Variants in BOD1L1 observed in about 807,000 individuals in gnomAD.
BOD1L1 encodes the protein biorientation of chromosomes in cell division protein 1-like 1.
A neutral mutation model predicts 240.7 loss-of-function variants in BOD1L1; 86 were observed. The ratio of observed to expected loss-of-function variants is 0.36; its 90% CI spans 0.30 to 0.43. The LOEUF is 0.43. BOD1L1 is among the 20% of genes least tolerant of loss of function. The probability of loss-of-function intolerance (pLI) is 1.00; values close to 1 mark genes in which losing one functional copy is unlikely to be tolerated. For synonymous variants in BOD1L1, 1,268 were observed against 1,272.3 expected (o/e 1.00, Z 0.07); for missense variants, 3,554 against 3,643.5 (o/e 0.98, Z 0.63).
chr4:13,582,586 C>G, intron 18 of BOD1L1, 66 bp downstream of exon 18: 1 of 1,217,208 alleles, frequency 8.2e-7, no homozygotes, highest in Non-Finnish European at 1.2e-6. Context: ...ATAGACGTTT[C>G]GGTTGAGAGA....
intron 12 of BOD1L1, 58 bp downstream of exon 12, chr4:13,595,802 A>T: frequency 6.9e-7 from 1 of 1,441,378 alleles, no homozygotes; most frequent in South Asian, 1.2e-5. Flanking sequence ...TTAGAAAGGT[A>T]AAACCACATG....
chr4:13,603,619 A>C lies in BOD1L1; in HGVS notation c.3281T>G (p.Leu1094Trp), dbSNP rs1191460969. ...AAGGGAGGAACCGCTGGGAGTGCTC[A>C]AAGTGTTTGCTGCTAATTTTTCTTC... ...KGEEKLAANT[L>W]STPSGSSLQR... Residue 1094 changes from leucine to tryptophan, a missense_variant, in exon 10 of 26, where the codon TTG becomes TGG. Leu to Trp is a moderately conservative substitution (Grantham distance 61). This residue lies in a region of BOD1L1 where 3,393 missense variants were observed against 3,427.1 expected (regional missense o/e 0.99). Coordinates refer to ENST00000040738, the MANE Select transcript of BOD1L1 (RefSeq NM_148894.3). 1 of 1,613,902 alleles carries C rather than the reference A, an allele frequency of 6.2e-7. No homozygotes were observed. Among genetic ancestry groups the C allele is most frequent in the Non-Finnish European group, 8.5e-7 (1 of 1,179,868 alleles).
In BOD1L1 at chr4:13,586,509, C is replaced by A. The variant is rs761316716; in HGVS notation, c.8354-34G>T. On this transcript the variant is annotated intron_variant, in intron 16 of 25. Coordinates refer to ENST00000040738, the MANE Select transcript of BOD1L1 (RefSeq NM_148894.3). ...CAGTTTAGACAGAATCACAAAGGAACAAAAGCTAAATGAAAAATGAAATGC... is the reference window on the plus strand; with the variant it reads ...CAGTTTAGACAGAATCACAAAGGAAAAAAAGCTAAATGAAAAATGAAATGC... 474 of 1,420,874 alleles carry A rather than the reference C, an allele frequency of 3.3e-4. 1 individual carries two copies. Among genetic ancestry groups the A allele is most frequent in the Non-Finnish European group, 4.4e-4 (453 of 1,019,506 alleles). The allele number at this position is 1,420,874 out of a possible 1,614,324, so 88.0% of individuals were successfully genotyped here. A position where few individuals can be genotyped will look rare whatever the true frequency, so the allele number is the denominator to read the frequency against.
At chr4:13,576,742 A>C (rs1360265431) in intron 25 of BOD1L1, 96 bp downstream of exon 25, 2 of 1,425,974 alleles carry the variant, frequency 1.4e-6, no homozygotes, top group Non-Finnish European at 1.9e-6. Flanking sequence ...TGCAGCATGA[A>C]TGATTCAGTT....
chr4:13,586,415 G>A lies in BOD1L1; in HGVS notation c.8414C>T (p.Thr2805Met), dbSNP rs141061531. The A allele has an allele frequency of 5.9e-5, 95 of 1,611,686 alleles. No individual in the cohort carries two copies. Among genetic ancestry groups the A allele is most frequent in the African/African-American group, 2.9e-4 (22 of 74,964 alleles). Reference protein sequence around the residue: ...IETAQRQCPETEPHDTKEENS... With the variant: ...IETAQRQCPEMEPHDTKEENS... ...AAATACCTTTGTGTCATGTGGCTCC[G>A]TTTCAGGACACTGCCTTTGTGCTGT... Residue 2805 changes from threonine (T) to methionine (M), a missense_variant, in exon 17 of 26, where the codon ACG (threonine) becomes ATG (methionine). Physicochemically the swap from Thr to Met is moderately conservative, Grantham distance 81 (BLOSUM62 -1). Coordinates refer to ENST00000040738, the MANE Select transcript of BOD1L1 (RefSeq NM_148894.3).
chr4:13,577,329 T>C, intron 24 of BOD1L1, 74 bp downstream of exon 24: 4 of 1,293,442 alleles, frequency 3.1e-6, no homozygotes, highest in Non-Finnish European at 4.3e-6. Flanking sequence ...GGATTTTTCC[T>C]CATTCAAAGA....
Position 13,602,539 on chromosome 4 carries a change from G to A in BOD1L1, c.4361C>T (p.Thr1454Ile), listed in dbSNP as rs186263512. The A allele has an allele frequency of 1.2e-6, 2 of 1,613,820 alleles. No individual in the cohort carries two copies. The highest frequency in any genetic ancestry group is 1.1e-5 in the South Asian group (1 of 91,082). Residue 1454 changes from threonine to isoleucine, a missense_variant, in exon 10 of 26, where the codon ACT (threonine) becomes ATT (isoleucine). Physicochemically the swap from Thr to Ile is moderately conservative, Grantham distance 89 (BLOSUM62 -1). Transcript: ENST00000040738. ...VGLNTEKYAE[T>I]VKLKHKRSPG... ...GCTTCTTTTATGCTTAAGTTTGACA[G>A]TTTCAGCATATTTTTCTGTATTCAG...
At chr4:13,615,113 A>G (rs1345428540) in intron 3 of BOD1L1, among the ~76,000 whole-genome samples, 199 bp downstream of exon 3, 5 of 152,192 alleles carry the variant, frequency 3.3e-5, no homozygotes, top group African/African-American at 1.2e-4. Context: ...CACTCACATC[A>G]CATTACTACA....
chr4:13,609,296 T>C lies in BOD1L1; in HGVS notation c.1602A>G (p.Gln534=). 2 of 1,525,490 alleles carry C rather than the reference T, an allele frequency of 1.3e-6. No homozygotes were observed. Among genetic ancestry groups the C allele is most frequent in the South Asian group, 1.3e-5 (1 of 75,632 alleles). The allele number at this position is 1,525,490 out of a possible 1,614,324, so 94.5% of individuals were successfully genotyped here. ...AATATTAAAAGTTGACATCTATACC[T>C]TGACCCTTGGTTTTTGAAGACTTTG... is the stretch of plus-strand genomic sequence containing the variant. ...EKTKSSKTKG[Q]GRSSVDLEES... is the part of the protein sequence containing the mutation. The change falls in exon 7 of 26, where the codon CAA becomes CAG. Residue 534 remains glutamine, a splice_region_variant and synonymous_variant. Transcript: ENST00000040738.
intron 1 of BOD1L1, among the ~76,000 whole-genome samples, chr4:13,621,990 G>A (rs937400497): frequency 2.7e-4 from 41 of 150,578 alleles, no homozygotes; most frequent in African/African-American, 9.8e-4. Flanking sequence ...TCAGGCTCCT[G>A]AGTAGCTGGG....
intron 7 of BOD1L1, among the ~76,000 whole-genome samples, chr4:13,608,870 T>G (rs1715939058): frequency 6.6e-6 from 1 of 152,220 alleles, no homozygotes; most frequent in Admixed American, 6.5e-5. Context: ...TGTGTGTATG[T>G]GTGATTTCAT....
chr4:13,609,440 G>T lies in BOD1L1; in HGVS notation c.1492-34C>A, dbSNP rs765381749. The T allele has an allele frequency of 1.2e-5, 16 of 1,318,790 alleles. No individual in the cohort carries two copies. The African/African-American group carries it at 1.7e-4, about 14-fold the overall frequency. The allele number at this position is 1,318,790 out of a possible 1,614,324, so 81.7% of individuals were successfully genotyped here. ...ACAAAATACCCTAACAGATTATTAG[G>T]CAAAGGCAAAAACACACTGAAAAAT... On this transcript the variant is annotated intron_variant, in intron 6 of 25. Coordinates refer to ENST00000040738, the MANE Select transcript of BOD1L1 (RefSeq NM_148894.3).
At position 13,572,865 on chromosome 4, in the gene BOD1L1, T is replaced by C. The variant is rs757672557; in HGVS notation, c.9039-2737A>G. The C allele has an allele frequency of 6.2e-6, 8 of 1,288,968 alleles. No individual in the cohort carries two copies. In the South Asian group the frequency reaches 9.9e-5, roughly 16 times the overall value. 79.8% of individuals were successfully genotyped at this position (1,288,968 alleles called of 1,614,324 possible). ...TTTCTGAAACAGATTATAGAAACAC[T>C]GGGCAATGGTAGCACTGAATACTCC... On this transcript the variant is annotated intron_variant, in intron 25 of 25. Coordinates refer to ENST00000040738, the MANE Select transcript of BOD1L1 (RefSeq NM_148894.3).
At chr4:13,576,696 C>T in intron 25 of BOD1L1, 142 bp downstream of exon 25, 2 of 1,134,534 alleles carry the variant, frequency 1.8e-6, no homozygotes, top group Non-Finnish European at 2.4e-6. Flanking sequence ...TATGTGCCCA[C>T]TGCTAACAAT....
At chr4:13,607,856 G>A (rs1200984197) in intron 8 of BOD1L1, among the ~76,000 whole-genome samples, 1 of 152,138 alleles carries the variant, frequency 6.6e-6, no homozygotes, top group Non-Finnish European at 1.5e-5. Context: ...GATCAATAAG[G>A]ATGAGAGGTA....
chr4:13,623,107 G>A (rs146245322), intron 1 of BOD1L1, among the ~76,000 whole-genome samples: 8 of 152,172 alleles, frequency 5.3e-5, no homozygotes, highest in African/African-American at 1.4e-4. Flanking sequence ...CAGCTTATTC[G>A]AAATAAAACA....
In BOD1L1 at chr4:13,587,777, A is replaced by G. The variant is rs373545205; in HGVS notation, c.8281-6T>C. On this transcript the variant is annotated splice_region_variant and splice_polypyrimidine_tract_variant and intron_variant, in intron 15 of 25. Transcript: ENST00000040738. ...TGCCTTTCTTCCTCTTCAACCTGGA[A>G]TTAAGAATGACTATATCAAAGGCCA... 5.7e-5 allele frequency: 88 copies of G among 1,540,558 alleles called. No homozygotes were observed. Among genetic ancestry groups the G allele is most frequent in the Non-Finnish European group, 7.6e-5 (86 of 1,135,126 alleles).
At chr4:13,592,032 T>A (rs1714259795) in intron 12 of BOD1L1, 66 bp from the exon 13 acceptor site, 2 of 1,270,536 alleles carry the variant, frequency 1.6e-6, no homozygotes, top group Admixed American at 2.7e-5. Flanking sequence ...GAGAAACAAA[T>A]TTGAAGATTT....
At position 13,613,722 on chromosome 4, in the gene BOD1L1, G is replaced by T; in HGVS notation, c.1175-61C>A. 2.3e-6 allele frequency: 3 copies of T among 1,290,394 alleles called. No homozygotes were observed. Among genetic ancestry groups the T allele is most frequent in the East Asian group, 2.6e-5 (1 of 39,054 alleles). 79.9% of individuals were successfully genotyped at this position (1,290,394 alleles called of 1,614,324 possible). On this transcript the variant is annotated intron_variant, in intron 4 of 25. Transcript: ENST00000040738. The surrounding 1 kb of genome is among the most constrained non-coding windows in gnomAD (Gnocchi z 4.0). ...ATCTTATTATAAGAACATACTCAGA[G>T]CTCAATTACTAAATTACACTTAAAA...
Sources: gnomAD v4.1 joint callset for allele counts (sites outside exome capture counted in the v4.1 genomes callset) on GRCh38, gnomAD v4.1.1 for gene constraint, gnomAD v4.1.1 regional missense constraint, Gnocchi (gnomAD v3.1) non-coding constraint, MANE v1.5 for transcripts, NCBI Gene and HGNC (gene_info 2026-07-23, HGNC 2026-07-21) for gene names.